The following CHCHD6 variants were observed in gnomAD, a reference collection of about 807,000 sequenced individuals.
The protein encoded by CHCHD6 is coiled-coil-helix-coiled-coil-helix domain containing 6, also known as MICOS complex subunit MIC25.
CHCHD6 carries 28 observed loss-of-function variants against 32.3 expected under a neutral mutation model. The ratio of observed to expected loss-of-function variants is 0.87; its 90% CI spans 0.64 to 1.19. The LOEUF (loss-of-function observed/expected upper bound fraction) is 1.19. CHCHD6 is among the 50% of genes most tolerant of loss of function. The probability of loss-of-function intolerance (pLI) is 0.00; values close to 1 mark genes in which losing one functional copy is unlikely to be tolerated. For synonymous variants in CHCHD6, 122 were observed against 117.5 expected (o/e 1.04, Z -0.25); for missense variants, 333 against 307.0 (o/e 1.08, Z -0.63).
At position 126,727,059 on chromosome 3, in the gene CHCHD6, C is replaced by T. The variant is rs568911379; in HGVS notation, c.88-19C>T. On this transcript the variant is annotated intron_variant, in intron 1 of 7. Coordinates refer to ENST00000290913, the MANE Select transcript of CHCHD6 (RefSeq NM_032343.3). Reference sequence around the variant, plus strand: ...TCTGTGACATAACTTTTTCTTTTCCCTCTTTTCTGCTTCCTTAGCTGTCTG... The same window carrying T: ...TCTGTGACATAACTTTTTCTTTTCCTTCTTTTCTGCTTCCTTAGCTGTCTG... 2.8e-5 allele frequency: 45 copies of T among 1,583,842 alleles called. No homozygotes were observed. In the South Asian group the frequency reaches 4.6e-4, roughly 16 times the overall value.
intron 6 of CHCHD6, among the ~76,000 whole-genome samples, chr3:126,953,347 T>G (rs988718317): frequency 6.6e-6 from 1 of 152,210 alleles, no homozygotes; most frequent in Non-Finnish European, 1.5e-5. Context: ...AGGTCTGAAC[T>G]AGGTCTCGAA....
chr3:126,720,285 C>T (rs556127992), intron 1 of CHCHD6, among the ~76,000 whole-genome samples: 1 of 152,318 alleles, frequency 6.6e-6, no homozygotes, highest in South Asian at 2.1e-4. Context: ...TCATGTAGAT[C>T]ACACCTGTCA....
At chr3:126,914,290 G>A (rs896342592) in intron 5 of CHCHD6, among the ~76,000 whole-genome samples, 1 of 152,206 alleles carries the variant, frequency 6.6e-6, no homozygotes, top group Admixed American at 6.5e-5. Flanking sequence ...AAGCTTTGTA[G>A]GTCATGTAGT....
intron 5 of CHCHD6, among the ~76,000 whole-genome samples, chr3:126,862,305 T>C (rs1161258660): frequency 0.064 from 1,043 of 16,248 alleles, no homozygotes; most frequent in Middle Eastern, 0.17. Flanking sequence ...CCTCCTCCTC[T>C]ACCATCATCA....
chr3:126,900,051 T>A (rs970043357), intron 5 of CHCHD6, among the ~76,000 whole-genome samples: 1 of 152,262 alleles, frequency 6.6e-6, no homozygotes, highest in African/African-American at 2.4e-5. Flanking sequence ...GTACGTTTGT[T>A]AATTTTTTGT....
chr3:126,740,360 G>T (rs1027038941), intron 4 of CHCHD6, among the ~76,000 whole-genome samples: 4 of 152,150 alleles, frequency 2.6e-5, no homozygotes, highest in African/African-American at 9.7e-5. Context: ...GGTGCCTTGG[G>T]TGAATGTGTG....
At chr3:126,727,766 C>A (rs1935604588) in intron 2 of CHCHD6, among the ~76,000 whole-genome samples, 1 of 152,178 alleles carries the variant, frequency 6.6e-6, no homozygotes, top group Non-Finnish European at 1.5e-5. Flanking sequence ...TTGTTCCCTA[C>A]TGTATTGTGC....
At chr3:126,938,016 C>T (rs1260774374) in intron 6 of CHCHD6, among the ~76,000 whole-genome samples, 1 of 152,180 alleles carries the variant, frequency 6.6e-6, no homozygotes, top group Non-Finnish European at 1.5e-5. Flanking sequence ...AGAGGACAAG[C>T]TACAAATTAT....
chr3:126,919,020 C>G (rs1023040451), intron 6 of CHCHD6, among the ~76,000 whole-genome samples: 2 of 152,070 alleles, frequency 1.3e-5, no homozygotes, highest in Non-Finnish European at 2.9e-5. Flanking sequence ...TTTCTAGTTA[C>G]ATTTTTTATA....
chr3:126,780,436 A>G (rs747029017), intron 4 of CHCHD6: 4 of 356,036 alleles, frequency 1.1e-5, no homozygotes, highest in Non-Finnish European at 2.2e-5. Flanking sequence ...CTTGGGTAAG[A>G]GTTGTTATTG....
chr3:126,849,771 G>A (rs1266148636), intron 4 of CHCHD6, among the ~76,000 whole-genome samples: 1 of 152,162 alleles, frequency 6.6e-6, no homozygotes, highest in African/African-American at 2.4e-5. Flanking sequence ...TAAGCTTCAT[G>A]ATAGCAGAAA....
intron 4 of CHCHD6, among the ~76,000 whole-genome samples, chr3:126,824,593 G>A (rs895509823): frequency 9.0e-6 from 1 of 111,084 alleles, no homozygotes; most frequent in Non-Finnish European, 1.7e-5. Flanking sequence ...TCAAATGTTG[G>A]TTTTATTTTT....
chr3:126,953,708 C>A (rs2078747863), intron 6 of CHCHD6, among the ~76,000 whole-genome samples: 1 of 152,128 alleles, frequency 6.6e-6, no homozygotes, highest in Non-Finnish European at 1.5e-5. Context: ...AAACAGACAC[C>A]CCATACACCA....
chr3:126,863,655 C>A (rs1211170097), intron 5 of CHCHD6, among the ~76,000 whole-genome samples: 34 of 137,628 alleles, frequency 2.5e-4, no homozygotes, highest in Non-Finnish European at 2.6e-4. Context: ...TCACCACCTC[C>A]CCCTCCTCCA....
chr3:126,736,366 C>T (rs1049792503), intron 4 of CHCHD6, among the ~76,000 whole-genome samples: 1 of 152,130 alleles, frequency 6.6e-6, no homozygotes, highest in Non-Finnish European at 1.5e-5. Context: ...GCATGGTCGC[C>T]AGCAGAATGA....
At chr3:126,931,227 T>G (rs1022317195) in intron 6 of CHCHD6, among the ~76,000 whole-genome samples, 6 of 152,174 alleles carry the variant, frequency 3.9e-5, no homozygotes, top group African/African-American at 1.4e-4. Context: ...AGAGTTGAGG[T>G]TCTTTGTGGA....
Position 126,733,239 on chromosome 3 carries a change from C to G in CHCHD6, c.411+17C>G. ...GTCCGGCTGGTGAGTGCAGATTTTC[C>G]CTGATCTGGCCTTCTGAGCTGGGCA... On this transcript the variant is annotated intron_variant, in intron 4 of 7. Transcript: ENST00000290913. The G allele has an allele frequency of 1.2e-6, 2 of 1,608,704 alleles. No individual in the cohort carries two copies. Among genetic ancestry groups the G allele is most frequent in the Non-Finnish European group, 1.7e-6 (2 of 1,177,462 alleles).
intron 5 of CHCHD6, among the ~76,000 whole-genome samples, chr3:126,856,059 C>T (rs1391634470): frequency 2.0e-5 from 3 of 152,214 alleles, no homozygotes; most frequent in Non-Finnish European, 4.4e-5. Flanking sequence ...CCTTAGGCCA[C>T]ACTGGAGGGA....
In CHCHD6 at chr3:126,737,276, G is replaced by C. The variant is rs183804461; in HGVS notation, c.411+4054G>C. Among the ~76,000 whole-genome samples, 23 of 151,876 alleles carry C rather than the reference G, an allele frequency of 1.5e-4. No individual in the cohort carries two copies. The East Asian group carries it at 4.5e-3, about 29-fold the overall frequency. On this transcript the variant is annotated intron_variant, in intron 4 of 7. Transcript: ENST00000290913. The stretch of plus-strand genomic sequence containing the variant: ...CGGAGGTTGCAGTGAGCTGAATCGC[G>C]CCATTGCACTCCAGCCTGGGCGACA...
Sources: allele counts gnomAD v4.1 joint callset (sites outside exome capture counted in the v4.1 genomes callset), GRCh38; gene constraint gnomAD v4.1.1; transcripts MANE v1.5; gene names NCBI Gene and HGNC (gene_info 2026-07-23, HGNC 2026-07-21).